Variants in WDR81 observed in about 807,000 individuals in gnomAD.
WDR81 encodes WD repeat-containing protein 81.
In WDR81, 92 loss-of-function variants were observed where a neutral mutation model predicts 140.8. That is an observed-to-expected ratio of 0.65 (90% CI 0.55 to 0.78). The LOEUF (loss-of-function observed/expected upper bound fraction) is 0.78, where lower values mean the gene tolerates loss of function less well. Ranked by LOEUF, WDR81 falls within the 30% of genes least tolerant of loss-of-function variation. The pLI is 0.00. For synonymous variants in WDR81, 1,183 were observed against 1,156.4 expected, an observed-to-expected ratio of 1.02 and a Z score of -0.47; for missense variants, 2,502 against 2,636.4, an observed-to-expected ratio of 0.95 and a Z score of 1.12.
upstream of WDR81, chr17:1,724,443 A>T: frequency 2.0e-6 from 2 of 979,304 alleles, no homozygotes; most frequent in Non-Finnish European, 2.4e-6. Context: ...CATCTCTGGG[A>T]ACAGCCTCCG....
In WDR81 at chr17:1,728,313, C is replaced by T. The variant is rs1479491650; in HGVS notation, c.3354C>T (p.Ser1118=). Reference sequence around the variant, plus strand: ...ACAAGAGCAGCACCAGCGAGACCTCCCTGGGTGAGGAGCGGGCTCCAGACG... The same window carrying T: ...ACAAGAGCAGCACCAGCGAGACCTCTCTGGGTGAGGAGCGGGCTCCAGACG... ...LSDKSSTSET[S]LGEERAPDEG... is the part of the protein sequence containing the mutation. Residue 1118 remains serine, a synonymous_variant, in exon 1 of 10, where the codon TCC becomes TCT. Coordinates refer to ENST00000409644, the MANE Select transcript of WDR81 (RefSeq NM_001163809.2). The T allele has an allele frequency of 5.0e-6, 8 of 1,612,830 alleles. No homozygotes were observed. The highest frequency in any genetic ancestry group is 1.7e-4 in the Middle Eastern group (1 of 6,060).
At chr17:1,724,453 G>A (rs1294379251), upstream of WDR81, 7 of 984,300 alleles carry the variant, frequency 7.1e-6, no homozygotes, top group Non-Finnish European at 7.2e-6. Flanking sequence ...AACAGCCTCC[G>A]GGACCCGCGC....
At chr17:1,722,695 C>CT (rs200208522), upstream of WDR81, among the ~76,000 whole-genome samples, 43 of 116,228 alleles carry the variant, frequency 3.7e-4, 1 homozygote, top group East Asian at 7.6e-4. Flanking sequence ...TTCTTTCTTT[C>CT]TTTTTTTTTT....
intron 1 of WDR81, among the ~76,000 whole-genome samples, chr17:1,729,608 A>G (rs1180009689): frequency 6.6e-6 from 1 of 152,130 alleles, no homozygotes; most frequent in Non-Finnish European, 1.5e-5. Context: ...GCAAAAAGAA[A>G]GTCTGAAGGC....
At chr17:1,737,092 G>C (rs1363194107) in intron 9 of WDR81, among the ~76,000 whole-genome samples, 1 of 152,188 alleles carries the variant, frequency 6.6e-6, no homozygotes, top group Non-Finnish European at 1.5e-5. Flanking sequence ...CCACCGCATA[G>C]GGTTGTTACG....
Position 1,727,084 on chromosome 17 carries a change from G to A in WDR81, c.2125G>A (p.Ala709Thr). 1 of 1,549,472 alleles carries A rather than the reference G, an allele frequency of 6.5e-7. No homozygotes were observed. Among genetic ancestry groups the A allele is most frequent in the South Asian group, 1.2e-5 (1 of 84,030 alleles). ...RPGRRNKAAGADPGEGEEGRI... is the reference protein window; with the variant it reads ...RPGRRNKAAGTDPGEGEEGRI... Reference sequence around the variant, plus strand: ...AGGCCGCAGGAATAAAGCTGCTGGGGCAGACCCTGGGGAGGGTGAGGAGGG... The same window carrying A: ...AGGCCGCAGGAATAAAGCTGCTGGGACAGACCCTGGGGAGGGTGAGGAGGG... Residue 709 changes from alanine to threonine, a missense_variant, in exon 1 of 10, where the codon GCA (alanine) becomes ACA (threonine). By Grantham distance (58) the Ala-to-Thr change is moderately conservative. Transcript: ENST00000409644.
rs534343838 is a variant in WDR81 at position 1,729,432 on chromosome 17, A to G, written c.3667+806A>G. Among the ~76,000 whole-genome samples, 374 of 152,098 alleles carry G rather than the reference A, an allele frequency of 2.5e-3. 1 individual carries two copies. The highest frequency in any genetic ancestry group is 8.6e-3 in the African/African-American group (358 of 41,482). ...GAGGTGGAGGTTGCAGTGAGCTGAGATCACACCACTGCACTGCAGCTTGGG... is the reference window on the plus strand; with the variant it reads ...GAGGTGGAGGTTGCAGTGAGCTGAGGTCACACCACTGCACTGCAGCTTGGG... On this transcript the variant is annotated intron_variant, in intron 1 of 9. Coordinates refer to ENST00000409644, the MANE Select transcript of WDR81 (RefSeq NM_001163809.2).
rs74639548 is a variant in WDR81 at position 1,725,229 on chromosome 17, C to T, written c.270C>T (p.Leu90=). ...TGGGAGAAGCGGAAGTCAGGACTCTCCTGCAGCGCTCTGTGCAAAGGCTGC... is the reference window on the plus strand; with the variant it reads ...TGGGAGAAGCGGAAGTCAGGACTCTTCTGCAGCGCTCTGTGCAAAGGCTGC... ...EGLGEAEVRT[L]LQRSVQRLPA... The change falls in exon 1 of 10, where the codon CTC becomes CTT. Residue 90 remains leucine, a synonymous_variant. Coordinates refer to ENST00000409644, the MANE Select transcript of WDR81 (RefSeq NM_001163809.2). 1,307 of 1,540,636 alleles carry T rather than the reference C, an allele frequency of 8.5e-4. 12 individuals carry two copies. The African/African-American group carries it at 0.016, about 19-fold the overall frequency.
rs1238195877 is a variant in WDR81, at chr17:1,726,157, C to G, written c.1198C>G (p.Arg400Gly). 1 of 1,520,220 alleles carries G rather than the reference C, an allele frequency of 6.6e-7. No individual in the cohort carries two copies. The highest frequency in any genetic ancestry group is 2.5e-5 in the East Asian group (1 of 40,432). The allele number at this position is 1,520,220 out of a possible 1,614,324, so 94.2% of individuals were successfully genotyped here. A position where few individuals can be genotyped will look rare whatever the true frequency, so the allele number is the denominator to read the frequency against. Residue 400 changes from arginine (R) to glycine (G), a missense_variant, in exon 1 of 10, where the codon CGC becomes GGC. Physicochemically the swap from Arg to Gly is moderately radical, Grantham distance 125. This residue lies in a region of WDR81 where 218 missense variants were observed against 279.6 expected (regional missense o/e 0.78). Transcript: ENST00000409644. ...GCCCCATGGGCGCTTCCGAGACCTG[C>G]GCAAGTCCAAGTTCCGCCTCAACAA... Reference protein sequence around the residue: ...TTPHGRFRDLRKSKFRLNKGD... With the variant: ...TTPHGRFRDLGKSKFRLNKGD...
chr17:1,724,424 A>G, upstream of WDR81: 1 of 952,598 alleles, frequency 1.0e-6, no homozygotes, highest in Non-Finnish European at 1.3e-6. Context: ...CACTTAACTA[A>G]GAGGCTGGCA....
rs1439677993 is a variant in WDR81 at position 1,726,365 on chromosome 17, C to T, written c.1406C>T (p.Ala469Val). The T allele has an allele frequency of 2.6e-6, 4 of 1,549,094 alleles. No homozygotes were observed. The highest frequency in any genetic ancestry group is 1.4e-5 in the African/African-American group (1 of 73,150). ...TCGGTGCTCTGCGGACACGTCCGCGCGCAGTGGGAGCCCCATGAGTATCCG... is the reference window on the plus strand; with the variant it reads ...TCGGTGCTCTGCGGACACGTCCGCGTGCAGTGGGAGCCCCATGAGTATCCG... ...PRSVLCGHVR[A>V]QWEPHEYPAS... is the part of the protein sequence containing the mutation. Residue 469 changes from alanine (A) to valine (V), a missense_variant, in exon 1 of 10, where the codon GCG (alanine) becomes GTG (valine). Ala to Val is a moderately conservative substitution (Grantham distance 64, BLOSUM62 0). Around this residue, in one of 3 missense-constraint regions of WDR81, gnomAD observed 218 missense variants for 279.6 expected, o/e 0.78. Transcript: ENST00000409644.
At chr17:1,728,842 A>G (rs1353031355) in intron 1 of WDR81, among the ~76,000 whole-genome samples, 2 of 152,022 alleles carry the variant, frequency 1.3e-5, no homozygotes, top group Non-Finnish European at 2.9e-5. Context: ...AGTCCCAGCT[A>G]CTCGGAAGGC....
At chr17:1,728,897 G>A (rs966220795) in intron 1 of WDR81, among the ~76,000 whole-genome samples, 6 of 152,054 alleles carry the variant, frequency 3.9e-5, no homozygotes, top group Non-Finnish European at 7.4e-5. Context: ...AGCTTGCAGT[G>A]AGCCGAGATC....
rs1350639646 is a variant in WDR81 at position 1,733,623 on chromosome 17, C to T, written c.4586C>T (p.Ala1529Val). The change falls in exon 7 of 10, where the codon GCC becomes GTC. Residue 1529 changes from alanine (A) to valine (V), a missense_variant. Ala to Val is a moderately conservative substitution (Grantham distance 64). Coordinates refer to ENST00000409644, the MANE Select transcript of WDR81 (RefSeq NM_001163809.2). The part of the protein sequence containing the change: ...ESISPSSRNP[A>V]SVEPTMPGTG... The stretch of plus-strand genomic sequence containing the variant: ...ATCAGCCCCAGCAGTCGCAACCCTG[C>T]CAGCGTGGAGCCCACCATGCCCGGC... The T allele has an allele frequency of 1.9e-6, 3 of 1,593,632 alleles. No homozygotes were observed. Among genetic ancestry groups the T allele is most frequent in the Admixed American group, 1.7e-5 (1 of 57,754 alleles).
chr17:1,730,625 T>A, intron 2 of WDR81, 130 bp from the exon 3 acceptor site: 1 of 1,413,106 alleles, frequency 7.1e-7, no homozygotes, highest in Non-Finnish European at 9.5e-7. Flanking sequence ...CCAGTCTAAG[T>A]GCCAGCCTTG....
chr17:1,728,023 A>G lies in WDR81; in HGVS notation c.3064A>G (p.Ser1022Gly), dbSNP rs1301963105. 2.6e-6 allele frequency: 4 copies of G among 1,554,326 alleles called. No homozygotes were observed. The highest frequency in any genetic ancestry group is 2.7e-5 in the African/African-American group (2 of 73,122). The change falls in exon 1 of 10, where the codon AGC (serine) becomes GGC (glycine). Residue 1022 changes from serine to glycine, a missense_variant. Physicochemically the swap from Ser to Gly is moderately conservative, Grantham distance 56. Transcript: ENST00000409644. ...GGGCGCAGAGGCCTCCCAGGAGGAG[A>G]GCAAGGACCTGGCAGGGGCTGCTGA... The part of the protein sequence containing the change: ...LAGAEASQEE[S>G]KDLAGAAEEE...
intron 6 of WDR81, chr17:1,733,056 T>G: frequency 1.8e-6 from 1 of 557,688 alleles, no homozygotes; most frequent in South Asian, 2.8e-5. Context: ...GTAGTGTCCC[T>G]GGGGAAGGCA....
Position 1,725,598 on chromosome 17 carries a change from T to G in WDR81, c.639T>G (p.Pro213=). The G allele has an allele frequency of 1.3e-6, 2 of 1,545,348 alleles. No individual in the cohort carries two copies. The highest frequency in any genetic ancestry group is 1.7e-6 in the Non-Finnish European group (2 of 1,146,944). ...REGPCPPRGS[P]ACPSLLRAEA... is the part of the protein sequence containing the mutation. The stretch of plus-strand genomic sequence containing the variant: ...GCCCCTGCCCCCCTCGGGGCAGCCC[T>G]GCTTGCCCTAGTCTTTTACGGGCTG... The change falls in exon 1 of 10, where the codon CCT becomes CCG. Residue 213 remains proline (P), a synonymous_variant. Transcript: ENST00000409644.
At chr17:1,724,484 G>T (rs1915072080), upstream of WDR81, 5 of 985,616 alleles carry the variant, frequency 5.1e-6, no homozygotes, top group Non-Finnish European at 6.0e-6. Context: ...GCTGGAGGGA[G>T]TAGGGAGGGG....
Sources: allele counts gnomAD v4.1 joint callset (sites outside exome capture counted in the v4.1 genomes callset), GRCh38; gene constraint gnomAD v4.1.1; regional missense constraint gnomAD v4.1.1; transcripts MANE v1.5; gene names NCBI Gene and HGNC (gene_info 2026-07-23, HGNC 2026-07-21).